The following ABR variants were observed in gnomAD, a reference collection of about 807,000 sequenced individuals.
ABR encodes the protein ABR activator of RhoGEF and GTPase.
A neutral mutation model predicts 107.2 loss-of-function variants in ABR; 35 were observed. The observed-to-expected ratio is 0.33, with a 90% CI of 0.25 to 0.43. The LOEUF is 0.43. Among genes scored for constraint, ABR ranks in the 20% least tolerant of loss-of-function variants. The pLI is 1.00. For missense variants in ABR, 815 were observed against 1,115.2 expected, an observed-to-expected ratio of 0.73 and a Z score of 3.83; for synonymous variants, 498 against 462.0, an observed-to-expected ratio of 1.08 and a Z score of -1.00.
At chr17:1,171,177 G>A (rs1598042192) in intron 1 of ABR, among the ~76,000 whole-genome samples, 1 of 152,366 alleles carries the variant, frequency 6.6e-6, no homozygotes, top group Non-Finnish European at 1.5e-5. Context: ...CGGCTGTGAG[G>A]AGTAGATGTT....
intron 2 of ABR, chr17:1,109,102 C>A: frequency 7.1e-7 from 1 of 1,403,234 alleles, no homozygotes. Flanking sequence ...AGACAGGAAG[C>A]GGGGTCCACG....
chr17:1,174,667 A>AT (rs2151611277), intron 1 of ABR, among the ~76,000 whole-genome samples: 1 of 152,288 alleles, frequency 6.6e-6, no homozygotes, highest in Admixed American at 6.5e-5. Context: ...GTAACAACAG[A>AT]TGGTCACGTT....
At chr17:1,047,243 G>A (rs1176254082) in intron 16 of ABR, among the ~76,000 whole-genome samples, 2 of 152,246 alleles carry the variant, frequency 1.3e-5, no homozygotes, top group Non-Finnish European at 2.9e-5. Flanking sequence ...GCCTGCTGGC[G>A]GGCAGAAAGA....
chr17:1,187,348 CAGAG>C (rs1320664244), upstream of ABR: 1 of 152,374 alleles, frequency 6.6e-6, no homozygotes, highest in Non-Finnish European at 1.5e-5. Flanking sequence ...CGTCCTGCGG[CAGAG>C]AGTGGGGGCT....
intron 7 of ABR, among the ~76,000 whole-genome samples, chr17:1,072,975 T>C (rs2035365319): frequency 6.6e-6 from 1 of 152,116 alleles, no homozygotes; most frequent in Non-Finnish European, 1.5e-5. Context: ...AGGTCAGAAG[T>C]TCGAGACCAG....
chr17:1,067,837 G>C (rs1206087603), intron 9 of ABR, among the ~76,000 whole-genome samples: 1 of 152,254 alleles, frequency 6.6e-6, no homozygotes, highest in African/African-American at 2.4e-5. Context: ...ACGACAGGCA[G>C]AAGCATGTGT....
At chr17:1,145,826 G>A (rs117011341) in intron 1 of ABR, among the ~76,000 whole-genome samples, 1,798 of 152,284 alleles carry the variant, frequency 0.012, 51 homozygotes, top group East Asian at 0.11. Flanking sequence ...GCCCCTGTCC[G>A]CAGAAGTCGC....
chr17:1,163,005 G>A (rs1376329410), intron 1 of ABR, among the ~76,000 whole-genome samples: 2 of 152,164 alleles, frequency 1.3e-5, no homozygotes, highest in African/African-American at 4.8e-5. Flanking sequence ...CCAGAAGGTG[G>A]AGGTTGCAGT....
rs1037153577 is a variant in ABR at position 1,004,012 on chromosome 17, C to T, written c.*2068G>A. Reference sequence around the variant, plus strand: ...CATTTCTCAGCCTTTGCAGCCTTCCCATAGCCTGTTCTCACGTTGCCTCAG... The same window carrying T: ...CATTTCTCAGCCTTTGCAGCCTTCCTATAGCCTGTTCTCACGTTGCCTCAG... On this transcript the variant is annotated 3_prime_UTR_variant, in exon 23 of 23. Coordinates refer to ENST00000302538, the MANE Select transcript of ABR (RefSeq NM_021962.5). The T allele has an allele frequency of 6.6e-6, 1 of 152,272 alleles. No individual in the cohort carries two copies. Among genetic ancestry groups the T allele is most frequent in the African/African-American group, 2.4e-5 (1 of 41,460 alleles). 9.4% of individuals were successfully genotyped at this position (152,272 alleles called of 1,614,324 possible).
At chr17:1,143,645 C>G (rs1026254882) in intron 1 of ABR, among the ~76,000 whole-genome samples, 1 of 152,162 alleles carries the variant, frequency 6.6e-6, no homozygotes, top group African/African-American at 2.4e-5. Context: ...TATGGCCTCT[C>G]TGGTTGCCAT....
At chr17:1,038,942 G>C (rs1465197728) in intron 16 of ABR, among the ~76,000 whole-genome samples, 1 of 152,256 alleles carries the variant, frequency 6.6e-6, no homozygotes, top group East Asian at 1.9e-4. Flanking sequence ...CGGCTCACGG[G>C]GAGGAATCTA....
chr17:1,067,284 G>A, intron 9 of ABR, 42 bp from the exon 10 acceptor site: 1 of 1,522,178 alleles, frequency 6.6e-7, no homozygotes, highest in Non-Finnish European at 8.8e-7. Context: ...GAGGGAGCCT[G>A]GCTCTTCCAG....
At chr17:1,072,543 G>T (rs1389077314) in intron 8 of ABR, 71 bp downstream of exon 8, 1 of 1,456,374 alleles carries the variant, frequency 6.9e-7, no homozygotes, top group Non-Finnish European at 9.1e-7. Flanking sequence ...CCGCCCGTGT[G>T]TGAGAGAAGG....
At chr17:1,229,414 C>T (rs914882467) in exon 1 of ABR, among the ~76,000 whole-genome samples, 2 of 150,750 alleles carry the variant, frequency 1.3e-5, no homozygotes, top group African/African-American at 4.9e-5. Context: ...CGCCCGGGCT[C>T]CCCGGAGTCT....
At chr17:1,192,797 C>A (rs2042464521) in intron 1 of ABR, among the ~76,000 whole-genome samples, 1 of 152,106 alleles carries the variant, frequency 6.6e-6, no homozygotes, top group Non-Finnish European at 1.5e-5. Context: ...ACCTATAATC[C>A]CAGCACTTTG....
chr17:1,101,756 C>T (rs376398712), intron 2 of ABR, among the ~76,000 whole-genome samples: 83 of 146,954 alleles, frequency 5.6e-4, no homozygotes, highest in East Asian at 3.4e-3. Context: ...TTTTTAGAGA[C>T]GGAGTCTCGC....
At position 1,179,683 on chromosome 17, in the gene ABR, G is replaced by A; in HGVS notation, c.45C>T (p.Ile15=). 1.9e-6 allele frequency: 3 copies of A among 1,564,464 alleles called. No individual in the cohort carries two copies. In the South Asian group the frequency reaches 3.5e-5, roughly 18 times the overall value. The change falls in exon 1 of 23, where the codon ATC becomes ATT. Residue 15 remains isoleucine (I), a synonymous_variant. Transcript: ENST00000302538. The surrounding 1 kb of genome is among the most constrained non-coding windows in gnomAD (Gnocchi z 4.9). Reference sequence around the variant, plus strand: ...CACACGTACTGCTGTAGAGGGTGTCGATCCAGGACAGGCGCGGCAGGCCCC... The same window carrying A: ...CACACGTACTGCTGTAGAGGGTGTCAATCCAGGACAGGCGCGGCAGGCCCC... ...SHRGLPRLSW[I]DTLYSNFSYG...
intron 6 of ABR, among the ~76,000 whole-genome samples, chr17:1,076,859 G>A (rs138181594): frequency 1.2e-4 from 18 of 152,250 alleles, no homozygotes; most frequent in Admixed American, 3.3e-4. Context: ...TGAGGCACTC[G>A]CTCTGGCCCT....
chr17:1,042,585 G>A (rs59491024), intron 16 of ABR, among the ~76,000 whole-genome samples: 10 of 74,658 alleles, frequency 1.3e-4, no homozygotes, highest in Admixed American at 7.9e-4. Context: ...TGGCACCTAC[G>A]TCCACAGACG....
Sources: gnomAD v4.1 joint callset for allele counts (sites outside exome capture counted in the v4.1 genomes callset) on GRCh38, gnomAD v4.1.1 for gene constraint, Gnocchi (gnomAD v3.1) non-coding constraint, MANE v1.5 for transcripts, NCBI Gene and HGNC (gene_info 2026-07-23, HGNC 2026-07-21) for gene names.